RAD17: variants seen among roughly 807,000 people sequenced by gnomAD.
RAD17 encodes the protein RAD17 checkpoint clamp loader component.
Under a neutral mutation model 81.5 loss-of-function variants are expected in RAD17, and 31 were observed. That is an observed-to-expected ratio of 0.38 (90% confidence interval 0.29 to 0.51). The LOEUF (loss-of-function observed/expected upper bound fraction) is 0.51. Ranked by LOEUF, RAD17 falls within the 20% of genes least tolerant of loss-of-function variation. The pLI is 0.88. For missense variants in RAD17, 681 were observed against 781.2 expected (o/e 0.87, Z 1.53); for synonymous variants, 261 against 266.2 (o/e 0.98, Z 0.19).
chr5:69,388,373 T>C (rs571632599), intron 11 of RAD17, among the ~76,000 whole-genome samples: 1 of 152,334 alleles, frequency 6.6e-6, no homozygotes, highest in East Asian at 1.9e-4. Context: ...TTTAATTTTA[T>C]CACAGTCTGT....
At chr5:69,376,995 T>G (rs1237920582) in intron 6 of RAD17, among the ~76,000 whole-genome samples, 1 of 152,054 alleles carries the variant, frequency 6.6e-6, no homozygotes, top group African/African-American at 2.4e-5. Flanking sequence ...CTCAGGTGAT[T>G]TACCCGCCTC....
chr5:69,372,563 T>C (rs1327866752), intron 4 of RAD17, among the ~76,000 whole-genome samples: 1 of 152,136 alleles, frequency 6.6e-6, no homozygotes, highest in Non-Finnish European at 1.5e-5. Flanking sequence ...CTAGTAAAAA[T>C]TTCTAATTTC....
chr5:69,403,814 G>A lies in RAD17; in HGVS notation c.1693+3645G>A, dbSNP rs957017438. Among the ~76,000 whole-genome samples the A allele has an allele frequency of 2.6e-5, 4 of 152,054 alleles. No individual in the cohort carries two copies. The South Asian group carries it at 6.2e-4, about 24-fold the overall frequency. ...CTTGCACCTGTAGTCCCAGCTACTC[G>A]GGAGGCTGAAGTAAGGGGATCACTT... On this transcript the variant is annotated intron_variant, in intron 17 of 18. Coordinates refer to ENST00000354868, the MANE Select transcript of RAD17 (RefSeq NM_133338.3).
At position 69,414,548 on chromosome 5, in the gene RAD17, AGT is replaced by A. The variant is rs1280204701; in HGVS notation, c.*261_*262del. 8 of 528,642 alleles carry A rather than the reference AGT, an allele frequency of 1.5e-5. No homozygotes were observed. Among genetic ancestry groups the A allele is most frequent in the Non-Finnish European group, 2.3e-5 (7 of 300,382 alleles). 32.7% of individuals were successfully genotyped at this position (528,642 alleles called of 1,614,324 possible). A position where few individuals can be genotyped will look rare whatever the true frequency, so the allele number is the denominator to read the frequency against. The stretch of plus-strand genomic sequence containing the variant: ...TTTAAGGAGCGGTCAGTGTGTATAA[AGT>A]GTGTTTGAACATTATGCCAAATATC... On this transcript the variant is annotated 3_prime_UTR_variant, in exon 19 of 19. Transcript: ENST00000354868.
At chr5:69,384,661 TA>T (rs1764065462) in intron 7 of RAD17, 135 bp from the exon 8 acceptor site, 2 of 816,208 alleles carry the variant, frequency 2.5e-6, no homozygotes, top group Non-Finnish European at 3.6e-6. Context: ...ATTTTAAATT[TA>T]AATGATTTTT....
At chr5:69,372,693 C>A (rs1282650002) in intron 4 of RAD17, among the ~76,000 whole-genome samples, 1 of 151,938 alleles carries the variant, frequency 6.6e-6, no homozygotes. Flanking sequence ...TTCACTGCAA[C>A]CTTGACCTCC....
At chr5:69,373,497 G>C (rs1434042254) in intron 4 of RAD17, among the ~76,000 whole-genome samples, 1 of 151,986 alleles carries the variant, frequency 6.6e-6, no homozygotes, top group Non-Finnish European at 1.5e-5. Flanking sequence ...CCCAAGAATT[G>C]TTTGAGACCA....
At chr5:69,392,045 G>A in intron 13 of RAD17, 32 bp downstream of exon 13, 1 of 1,419,364 alleles carries the variant, frequency 7.0e-7, no homozygotes, top group African/African-American at 1.5e-5. Context: ...AAAATCTGTT[G>A]GATATCACAT....
At position 69,391,846 on chromosome 5, in the gene RAD17, G is replaced by A. The variant is rs150380547; in HGVS notation, c.1022G>A (p.Arg341Gln). The change falls in exon 13 of 19, where the codon CGG (arginine) becomes CAG (glutamine). Residue 341 changes from arginine to glutamine, a missense_variant. Coordinates refer to ENST00000354868, the MANE Select transcript of RAD17 (RefSeq NM_133338.3). ...FSSSKGENNL[R>Q]PRKKGMSLKS... ...TATTATTCAGGAGAAAACAACTTAC[G>A]GCCAAGGAAAAAAGGAATGTCTTTA... 3.8e-5 allele frequency: 59 copies of A among 1,544,820 alleles called. 1 individual carries two copies. The African/African-American group carries it at 7.0e-4, about 18-fold the overall frequency.
rs772018216 is a variant in RAD17 at position 69,400,041 on chromosome 5, C to G, written c.1573-8C>G. ...TCCTTTCATCTTTTTTTTTTCTTTT[C>G]TATACAGTATCGGGAAAATTGCCTG... On this transcript the variant is annotated splice_region_variant and splice_polypyrimidine_tract_variant and intron_variant, in intron 16 of 18. Transcript: ENST00000354868. The G allele has an allele frequency of 2.0e-6, 3 of 1,518,864 alleles. No homozygotes were observed. Among genetic ancestry groups the G allele is most frequent in the Non-Finnish European group, 2.6e-6 (3 of 1,133,342 alleles). The allele number at this position is 1,518,864 out of a possible 1,614,324, so 94.1% of individuals were successfully genotyped here. A position where few individuals can be genotyped will look rare whatever the true frequency, so the allele number is the denominator to read the frequency against.
chr5:69,382,103 G>T, intron 7 of RAD17, 46 bp downstream of exon 7: 1 of 1,550,642 alleles, frequency 6.4e-7, no homozygotes, highest in South Asian at 1.2e-5. Flanking sequence ...GCAAACCTGT[G>T]CTTAAGGGAG....
rs17229831 is a variant in RAD17, at chr5:69,373,881, G to T, written c.61G>T (p.Val21Phe). ...SFDDFLECSG[V>F]STITATSLGV... ...TGATGATTTTCTAGAGTGTAGTGGC[G>T]TCTCTACTATTACTGCCACATCATT... Residue 21 changes from valine to phenylalanine, a missense_variant, in exon 5 of 19, where the codon GTC (valine) becomes TTC (phenylalanine). Transcript: ENST00000354868. The T allele has an allele frequency of 2.2e-5, 35 of 1,609,336 alleles. No homozygotes were observed. In the South Asian group the frequency reaches 3.5e-4, roughly 16 times the overall value.
At chr5:69,398,868 T>TTA (rs535048384) in intron 16 of RAD17, among the ~76,000 whole-genome samples, 2 of 109,880 alleles carry the variant, frequency 1.8e-5, no homozygotes, top group African/African-American at 6.7e-5. Context: ...ATCTCCTGGT[T>TTA]AAAAAAAAAA....
At chr5:69,371,374 T>C (rs906583062) in intron 2 of RAD17, 80 bp from the exon 3 acceptor site, 6 of 511,030 alleles carry the variant, frequency 1.2e-5, no homozygotes, top group Admixed American at 3.5e-5. Flanking sequence ...TTGTTGATTA[T>C]ATCAGTATAC....
At chr5:69,373,559 G>A (rs953399100) in intron 4 of RAD17, among the ~76,000 whole-genome samples, 1 of 151,972 alleles carries the variant, frequency 6.6e-6, no homozygotes, top group Admixed American at 6.6e-5. Flanking sequence ...AAAAAAATTA[G>A]TTGGGCATGG....
rs769986727 is a variant in RAD17, at chr5:69,374,042, G to C, written c.222G>C (p.Leu74=). Residue 74 remains leucine, a synonymous_variant, in exon 5 of 19, where the codon CTG becomes CTC. Transcript: ENST00000354868. ...GTTTAGAAAATTCAAAAGAATATCT[G>C]TCTGAAAATGAACCATGGGTGGATA... The part of the protein sequence containing the change: ...IYGLENSKEY[L]SENEPWVDKY... 1.2e-5 allele frequency: 20 copies of C among 1,610,764 alleles called. No individual in the cohort carries two copies. The highest frequency in any genetic ancestry group is 9.4e-5 in the African/African-American group (7 of 74,714).
At chr5:69,396,318 G>T in intron 15 of RAD17, 79 bp from the exon 16 acceptor site, 1 of 1,443,446 alleles carries the variant, frequency 6.9e-7, no homozygotes, top group East Asian at 2.4e-5. Flanking sequence ...AATACGGTTA[G>T]TATTTTTGTA....
intron 3 of RAD17, 83 bp downstream of exon 3, chr5:69,371,640 G>T: frequency 1.4e-6 from 1 of 694,624 alleles, no homozygotes; most frequent in Non-Finnish European, 2.1e-6. Flanking sequence ...ACTTATTACT[G>T]CTATCAAAGT....
chr5:69,392,097 C>A, intron 13 of RAD17, 84 bp downstream of exon 13: 1 of 1,232,706 alleles, frequency 8.1e-7, no homozygotes, highest in Non-Finnish European at 1.1e-6. Context: ...AAAAAAATGT[C>A]ATGTATTTTG....
Sources: gnomAD v4.1 joint callset for allele counts (sites outside exome capture counted in the v4.1 genomes callset) on GRCh38, gnomAD v4.1.1 for gene constraint, MANE v1.5 for transcripts, NCBI Gene and HGNC (gene_info 2026-07-23, HGNC 2026-07-21) for gene names.